Variants in CCDC171 observed in about 807,000 individuals in gnomAD.
The protein encoded by CCDC171 is coiled-coil domain-containing protein 171.
In CCDC171, 177 loss-of-function variants were observed where a neutral mutation model predicts 168.2. The observed-to-expected ratio is 1.05, with a 90% CI of 0.93 to 1.19. The LOEUF is 1.19. CCDC171 is among the 50% of genes most tolerant of loss of function. The probability of loss-of-function intolerance (pLI) is 0.00; values close to 1 mark genes in which losing one functional copy is unlikely to be tolerated. For missense variants in CCDC171, 1,991 were observed against 1,539.0 expected (o/e 1.29, Z -4.91); for synonymous variants, 687 against 540.8 (o/e 1.27, Z -3.75).
At chr9:16,015,440 A>T (rs1216461549) in intron 3 of CCDC171, among the ~76,000 whole-genome samples, 1 of 152,156 alleles carries the variant, frequency 6.6e-6, no homozygotes, top group Admixed American at 6.6e-5. Flanking sequence ...GGTTGTATTT[A>T]TAAAGACTAC....
At chr9:15,909,132 T>C (rs916612979) in intron 24 of CCDC171, among the ~76,000 whole-genome samples, 1 of 152,176 alleles carries the variant, frequency 6.6e-6, no homozygotes, top group Non-Finnish European at 1.5e-5. Flanking sequence ...TCTTTCACTA[T>C]GTAACAACTT....
chr9:15,774,394 C>G (rs996063293), intron 18 of CCDC171, among the ~76,000 whole-genome samples: 1 of 150,854 alleles, frequency 6.6e-6, no homozygotes, highest in African/African-American at 2.4e-5. Flanking sequence ...TAAATCAAAA[C>G]CATGATGCCA....
At chr9:15,655,412 C>G (rs747457853) in intron 7 of CCDC171, among the ~76,000 whole-genome samples, 39 of 152,134 alleles carry the variant, frequency 2.6e-4, no homozygotes, top group Non-Finnish European at 5.0e-4. Flanking sequence ...CGAACAGATT[C>G]TTGGTCATGA....
At chr9:15,570,212 C>G (rs935568362) in intron 2 of CCDC171, among the ~76,000 whole-genome samples, 5 of 152,170 alleles carry the variant, frequency 3.3e-5, no homozygotes, top group Middle Eastern at 6.8e-3. Context: ...CTCAAGTGAT[C>G]TGCCCGCCAC....
intron 16 of CCDC171, among the ~76,000 whole-genome samples, chr9:15,742,229 T>A (rs2054926969): frequency 6.6e-6 from 1 of 152,188 alleles, no homozygotes; most frequent in African/African-American, 2.4e-5. Context: ...GATTCTCACA[T>A]CCCTTTACTA....
intron 25 of CCDC171, among the ~76,000 whole-genome samples, chr9:15,946,409 T>G (rs1231409692): frequency 1.3e-5 from 2 of 151,900 alleles, no homozygotes; most frequent in Non-Finnish European, 2.9e-5. Context: ...ATGAGTGAAC[T>G]CCCATTCACA....
chr9:15,859,177 T>C (rs1001764446), intron 23 of CCDC171, among the ~76,000 whole-genome samples: 2 of 152,126 alleles, frequency 1.3e-5, no homozygotes, highest in African/African-American at 4.8e-5. Context: ...ATTCTGTTAA[T>C]GTTATGTATC....
rs202239015 is a variant in CCDC171, at chr9:15,576,133, TTGTGTGTG to T, written c.178-2696_178-2689del. Among the ~76,000 whole-genome samples the T allele has an allele frequency of 1.4e-4, 20 of 145,510 alleles. 1 individual carries two copies. The East Asian group carries it at 2.8e-3, about 20-fold the overall frequency. ...TAGCTACATATATATCATATTTCAG[TTGTGTGTG>T]TGTGTGTGTGTGTGTGTGTATATAC... is the stretch of plus-strand genomic sequence containing the variant. On this transcript the variant is annotated intron_variant, in intron 3 of 25. Transcript: ENST00000380701.
intron 21 of CCDC171, among the ~76,000 whole-genome samples, chr9:15,832,000 T>TAAAA (rs2060253591): frequency 6.6e-6 from 1 of 152,124 alleles, no homozygotes; most frequent in Non-Finnish European, 1.5e-5. Flanking sequence ...ATCTTACTTT[T>TAAAA]TTGTCTTTTT....
At chr9:15,936,818 T>G (rs1589175086) in intron 25 of CCDC171, among the ~76,000 whole-genome samples, 1 of 152,130 alleles carries the variant, frequency 6.6e-6, no homozygotes, top group Non-Finnish European at 1.5e-5. Context: ...CCAGGGCATG[T>G]CAGCCGTTAT....
intron 1 of CCDC171, among the ~76,000 whole-genome samples, chr9:16,049,093 C>T (rs1244443380): frequency 6.6e-6 from 1 of 152,114 alleles, no homozygotes; most frequent in Non-Finnish European, 1.5e-5. Flanking sequence ...GCAATCCCAA[C>T]AGATTAAAAT....
chr9:16,035,986 A>G (rs548749102), intron 7 of CCDC171: 1 of 152,328 alleles, frequency 6.6e-6, no homozygotes, highest in South Asian at 2.1e-4. Flanking sequence ...CTGGGGGTAC[A>G]CAATCATTGA....
intron 23 of CCDC171, chr9:15,850,452 A>G (rs563045420): frequency 3.9e-5 from 6 of 152,110 alleles, no homozygotes; most frequent in African/African-American, 1.4e-4. Flanking sequence ...TGTCATATGG[A>G]AAGAAAGCTG....
Position 15,983,377 on chromosome 9 carries a change from A to T in CCDC171, n.369-37212A>T, listed in dbSNP as rs181972883. Among the ~76,000 whole-genome samples, 13 of 152,202 alleles carry T rather than the reference A, an allele frequency of 8.5e-5. No individual in the cohort carries two copies. The East Asian group carries it at 2.3e-3, about 27-fold the overall frequency. ...AATATCTGTTTTTCTTTTTTTAAAA[A>T]AACATATTTTACTATTTTAACTTAT... On this transcript the variant is annotated intron_variant and non_coding_transcript_variant, in intron 3 of 9. Transcript: ENST00000486641.
the CCDC171 span, among the ~76,000 whole-genome samples, chr9:16,068,033 G>A: frequency 6.6e-6 from 1 of 151,104 alleles, no homozygotes; most frequent in Admixed American, 6.6e-5. Flanking sequence ...GTTTGCAGAC[G>A]ACATGATTGT....
At chr9:15,902,639 A>G (rs1821865053) in intron 24 of CCDC171, among the ~76,000 whole-genome samples, 1 of 152,150 alleles carries the variant, frequency 6.6e-6, no homozygotes, top group African/African-American at 2.4e-5. Context: ...TGCATTTCCA[A>G]CTGAGGTACC....
At chr9:16,035,439 G>C (rs1325788054) in intron 6 of CCDC171, 1 of 152,116 alleles carries the variant, frequency 6.6e-6, no homozygotes, top group Non-Finnish European at 1.5e-5. Flanking sequence ...CGAGTTCACA[G>C]ATTACTTCCT....
chr9:15,977,482 T>G (rs1207264341), downstream of CCDC171, among the ~76,000 whole-genome samples: 1 of 152,174 alleles, frequency 6.6e-6, no homozygotes, highest in Non-Finnish European at 1.5e-5. Flanking sequence ...TGTAGGTGTG[T>G]TTGATGCTTA....
At chr9:15,941,096 T>A (rs1440055611) in intron 25 of CCDC171, among the ~76,000 whole-genome samples, 2 of 152,018 alleles carry the variant, frequency 1.3e-5, no homozygotes, top group East Asian at 3.9e-4. Flanking sequence ...CTCAGGGCCT[T>A]GTGCCACCTA....
Sources: allele counts gnomAD v4.1 joint callset (sites outside exome capture counted in the v4.1 genomes callset), GRCh38; gene constraint gnomAD v4.1.1; transcripts MANE v1.5; gene names NCBI Gene and HGNC (gene_info 2026-07-23, HGNC 2026-07-21).